The following PCDHGB2 variants were observed in gnomAD, a reference collection of about 807,000 sequenced individuals.
PCDHGB2 encodes the protein protocadherin gamma-B2.
In PCDHGB2, 55 loss-of-function variants were observed where a neutral mutation model predicts 59.3. The ratio of observed to expected loss-of-function variants is 0.93; its 90% confidence interval spans 0.75 to 1.16. The LOEUF is 1.16. Ranked by LOEUF, PCDHGB2 falls within the 50% of genes most tolerant of loss-of-function variation. The pLI is 0.00. For synonymous variants in PCDHGB2, 516 were observed against 512.0 expected, an observed-to-expected ratio of 1.01 and a Z score of -0.11; for missense variants, 1,228 against 1,198.5, an observed-to-expected ratio of 1.02 and a Z score of -0.36.
Position 141,511,212 on chromosome 5 carries a change from C to T in PCDHGB2, c.*39C>T. ...CCAAGAGCCACAGGGCGGCCTCTCC[C>T]CAACCAGCCCAGCTTCTCCTTACCT... is the stretch of plus-strand genomic sequence containing the variant. On this transcript the variant is annotated 3_prime_UTR_variant, in exon 4 of 4. Coordinates refer to ENST00000522605, the MANE Select transcript of PCDHGB2 (RefSeq NM_018923.3). 6.2e-7 allele frequency: 1 copy of T among 1,608,656 alleles called. No individual in the cohort carries two copies. Among genetic ancestry groups the T allele is most frequent in the Non-Finnish European group, 8.5e-7 (1 of 1,177,502 alleles).
intron 1 of PCDHGB2, chr5:141,421,588 G>A: frequency 1.2e-6 from 2 of 1,613,910 alleles, no homozygotes; most frequent in Non-Finnish European, 8.5e-7. Context: ...TTACGGAGTG[G>A]AGGTGGAAAT....
chr5:141,383,634 T>C, intron 1 of PCDHGB2: 1 of 1,613,914 alleles, frequency 6.2e-7, no homozygotes, highest in Non-Finnish European at 8.5e-7. Flanking sequence ...TCTCTCTGCC[T>C]CAGTACCAAG....
chr5:141,376,165 G>T (rs181247360), intron 1 of PCDHGB2: 1 of 1,614,018 alleles, frequency 6.2e-7, no homozygotes, highest in African/African-American at 1.3e-5. Context: ...TGTACCTGGT[G>T]GTGGCGGTGG....
Position 141,400,574 on chromosome 5 carries a change from T to A in PCDHGB2, c.2421+38018T>A, listed in dbSNP as rs1589419530. On this transcript the variant is annotated intron_variant, in intron 1 of 3. Transcript: ENST00000522605. ...TTTTCATTACCCACCCAATTTTCTG[T>A]ATTTACATGAAACTATCGTACATTT... 3 of 1,612,232 alleles carry A rather than the reference T, an allele frequency of 1.9e-6. No individual in the cohort carries two copies. In the Middle Eastern group the frequency reaches 4.9e-4, roughly 266 times the overall value.
intron 1 of PCDHGB2, chr5:141,395,547 TGTGTG>T (rs2093267739): frequency 0.011 from 1,902 of 174,314 alleles, 94 homozygotes; most frequent in African/African-American, 0.026. Flanking sequence ...ATTGTTTGTG[TGTGTG>T]TGTGTGTGTG....
intron 1 of PCDHGB2, among the ~76,000 whole-genome samples, chr5:141,492,782 C>T (rs2099743868): frequency 6.6e-6 from 1 of 152,258 alleles, no homozygotes; most frequent in Non-Finnish European, 1.5e-5. Context: ...GAGTGAGCCT[C>T]TATAGGACAG....
intron 1 of PCDHGB2, chr5:141,421,041 C>G (rs963777669): frequency 5.5e-6 from 3 of 546,514 alleles, no homozygotes; most frequent in Non-Finnish European, 9.5e-6. Context: ...TCCCTCCCTC[C>G]CCCGCCTCTA....
intron 1 of PCDHGB2, chr5:141,364,466 G>A (rs1391136210): frequency 6.2e-7 from 1 of 1,613,872 alleles, no homozygotes; most frequent in African/African-American, 1.3e-5. Context: ...CTCCTTCGTC[G>A]GCAACATAGC....
Position 141,487,649 on chromosome 5 carries a change from G to T in PCDHGB2, c.2422-7158G>T. The T allele has an allele frequency of 1.2e-6, 2 of 1,614,020 alleles. No individual in the cohort carries two copies. The highest frequency in any genetic ancestry group is 1.7e-6 in the Non-Finnish European group (2 of 1,179,968). The stretch of plus-strand genomic sequence containing the variant: ...TTTGCAGGCTCAACAAATGCTTGAG[G>T]GTTATTCTGATCCAGGCATATGGCT... On this transcript the variant is annotated intron_variant, in intron 1 of 3. Coordinates refer to ENST00000522605, the MANE Select transcript of PCDHGB2 (RefSeq NM_018923.3). This position sits in a 1 kb window ranked among gnomAD's most constrained non-coding sequence, Gnocchi z 5.0.
intron 1 of PCDHGB2, chr5:141,384,693 A>G (rs1345115245): frequency 3.1e-6 from 5 of 1,614,042 alleles, no homozygotes; most frequent in Non-Finnish European, 4.2e-6. Context: ...ACAAAGATTC[A>G]GGCCAGAACG....
At chr5:141,456,217 A>G (rs1328039447) in intron 1 of PCDHGB2, among the ~76,000 whole-genome samples, 1 of 152,064 alleles carries the variant, frequency 6.6e-6, no homozygotes, top group East Asian at 1.9e-4. Context: ...CCCTGTGGCG[A>G]TATCAAACTA....
chr5:141,376,374 G>GT (rs778102910), intron 1 of PCDHGB2: 18 of 1,614,072 alleles, frequency 1.1e-5, no homozygotes, highest in East Asian at 1.1e-4. Context: ...GCAGACTCGC[G>GT]TAAGAGTCAT....
intron 2 of PCDHGB2, among the ~76,000 whole-genome samples, chr5:141,504,748 T>A (rs979724181): frequency 7.2e-5 from 11 of 151,880 alleles, no homozygotes; most frequent in Non-Finnish European, 1.3e-4. Context: ...CCATTGAATT[T>A]TAGAAATTTC....
chr5:141,386,620 C>T (rs73279071), intron 1 of PCDHGB2, among the ~76,000 whole-genome samples: 2 of 151,558 alleles, frequency 1.3e-5, no homozygotes, highest in Non-Finnish European at 2.9e-5. Context: ...CATGGAGTCT[C>T]GCTCTGTCAC....
chr5:141,366,986 G>T, intron 1 of PCDHGB2: 1 of 493,134 alleles, frequency 2.0e-6, no homozygotes, highest in Non-Finnish European at 3.4e-6. Context: ...AAGGAAAGTG[G>T]TTAAATATAA....
chr5:141,475,384 A>T (rs2099362853), intron 1 of PCDHGB2, among the ~76,000 whole-genome samples: 1 of 152,370 alleles, frequency 6.6e-6, no homozygotes, highest in East Asian at 1.9e-4. Flanking sequence ...TTTAAATTTT[A>T]TAAGCCAGAG....
At chr5:141,503,736 T>C (rs1381045077) in intron 2 of PCDHGB2, among the ~76,000 whole-genome samples, 4 of 152,202 alleles carry the variant, frequency 2.6e-5, no homozygotes, top group African/African-American at 9.6e-5. Context: ...TTTGTTGTGA[T>C]GGTATAGAGG....
Position 141,433,020 on chromosome 5 carries a change from C to T in PCDHGB2, c.2422-61787C>T, listed in dbSNP as rs761127608. 1.1e-5 allele frequency: 17 copies of T among 1,614,152 alleles called. No individual in the cohort carries two copies. The South Asian group carries it at 1.9e-4, about 18-fold the overall frequency. On this transcript the variant is annotated intron_variant, in intron 1 of 3. Coordinates refer to ENST00000522605, the MANE Select transcript of PCDHGB2 (RefSeq NM_018923.3). ...GTGCAGGCTTTCCTGCAGACCTATTCCCACGAGGTTTCCCTCACCACGGAC... is the reference window on the plus strand; with the variant it reads ...GTGCAGGCTTTCCTGCAGACCTATTTCCACGAGGTTTCCCTCACCACGGAC...
At chr5:141,454,697 T>A (rs768850161) in intron 1 of PCDHGB2, among the ~76,000 whole-genome samples, 14 of 150,312 alleles carry the variant, frequency 9.3e-5, no homozygotes, top group African/African-American at 3.4e-4. Flanking sequence ...TGAGCCACCA[T>A]GCTCCACCTG....
Sources: allele counts gnomAD v4.1 joint callset (sites outside exome capture counted in the v4.1 genomes callset), GRCh38; gene constraint gnomAD v4.1.1; non-coding constraint Gnocchi (gnomAD v3.1); transcripts MANE v1.5; gene names NCBI Gene and HGNC (gene_info 2026-07-23, HGNC 2026-07-21).